Variants in LRRTM4 observed in about 807,000 individuals in gnomAD.
LRRTM4 encodes the protein leucine-rich repeat transmembrane neuronal protein 4.
Under a neutral mutation model 47.6 loss-of-function variants are expected in LRRTM4, and 25 were observed. The ratio of observed to expected loss-of-function variants is 0.53; its 90% CI spans 0.38 to 0.73. LRRTM4 has a LOEUF of 0.73. Among genes scored for constraint, LRRTM4 ranks in the 30% least tolerant of loss-of-function variants. LRRTM4 has a pLI of 0.00. For missense variants in LRRTM4, 638 were observed against 713.4 expected (o/e 0.89, Z 1.20); for synonymous variants, 311 against 269.5 (o/e 1.15, Z -1.51).
chr2:77,160,498 T>TA (rs1235770130), intron 3 of LRRTM4, among the ~76,000 whole-genome samples: 2 of 110,268 alleles, frequency 1.8e-5, no homozygotes, highest in South Asian at 3.2e-4. Flanking sequence ...CATTGTTTAA[T>TA]ATTTAAAAAA....
intron 3 of LRRTM4, among the ~76,000 whole-genome samples, chr2:76,954,050 C>T (rs1675587338): frequency 6.6e-6 from 1 of 151,800 alleles, no homozygotes; most frequent in Admixed American, 6.6e-5. Flanking sequence ...ATTTGAGAAG[C>T]CCTCAGAGTC....
chr2:76,918,972 G>A (rs1203302373), intron 3 of LRRTM4, among the ~76,000 whole-genome samples: 3 of 152,180 alleles, frequency 2.0e-5, no homozygotes. Context: ...ACGGTTTATT[G>A]CAGCAAAAGG....
intron 3 of LRRTM4, among the ~76,000 whole-genome samples, chr2:76,799,867 A>G (rs1675564781): frequency 6.7e-6 from 1 of 148,476 alleles, no homozygotes; most frequent in South Asian, 2.2e-4. Context: ...TTCAAAGAGA[A>G]TAAAATACCT....
At chr2:77,428,702 T>C (rs1310030640) in intron 3 of LRRTM4, among the ~76,000 whole-genome samples, 6 of 152,202 alleles carry the variant, frequency 3.9e-5, no homozygotes, top group Non-Finnish European at 7.4e-5. Context: ...AAAACACAGA[T>C]AAGGCCATTC....
intron 3 of LRRTM4, among the ~76,000 whole-genome samples, chr2:77,297,625 GTTC>G (rs1237962157): frequency 1.3e-5 from 2 of 152,108 alleles, no homozygotes; most frequent in African/African-American, 4.8e-5. Flanking sequence ...ACACCATGGG[GTTC>G]TTCTCCTACC....
chr2:77,376,237 G>T (rs1672835800), intron 3 of LRRTM4, among the ~76,000 whole-genome samples: 1 of 151,084 alleles, frequency 6.6e-6, no homozygotes, highest in Non-Finnish European at 1.5e-5. Flanking sequence ...AATAGTTTTG[G>T]ATTTACAAAA....
At chr2:76,789,143 A>G (rs554315160) in intron 3 of LRRTM4, among the ~76,000 whole-genome samples, 3 of 152,266 alleles carry the variant, frequency 2.0e-5, no homozygotes, top group African/African-American at 7.2e-5. Context: ...CACACTCCCT[A>G]CCTCAAAGGG....
rs190736359 is a variant in LRRTM4, at chr2:77,515,285, T to G, written c.1551+3033A>C. On this transcript the variant is annotated intron_variant, in intron 3 of 3. Coordinates refer to ENST00000409884, the MANE Select transcript of LRRTM4 (RefSeq NM_001134745.3). ...ATCAGAATGGTATGTGCACACAGAC[T>G]TTTCAGAATTAAAACTTGCAAAACA... Among the ~76,000 whole-genome samples, 266 of 151,986 alleles carry G rather than the reference T, an allele frequency of 1.8e-3. 2 individuals carry two copies. The highest frequency in any genetic ancestry group is 0.015 in the East Asian group (78 of 5,166).
intron 3 of LRRTM4, among the ~76,000 whole-genome samples, chr2:77,116,431 A>G (rs1671391069): frequency 6.6e-6 from 1 of 152,174 alleles, no homozygotes; most frequent in African/African-American, 2.4e-5. Flanking sequence ...CCAATGATTT[A>G]TTGAATATAT....
At chr2:77,056,382 G>T (rs539792975) in intron 3 of LRRTM4, among the ~76,000 whole-genome samples, 2 of 152,084 alleles carry the variant, frequency 1.3e-5, no homozygotes, top group South Asian at 4.2e-4. Flanking sequence ...TCAAGAACTT[G>T]TACAAATGAA....
chr2:77,106,083 G>T (rs1249036006), intron 3 of LRRTM4, among the ~76,000 whole-genome samples: 2 of 152,048 alleles, frequency 1.3e-5, no homozygotes, highest in African/African-American at 2.4e-5. Flanking sequence ...CCCACTCTCA[G>T]CAGGCTGCCT....
chr2:76,780,325 A>G (rs1009378553), intron 3 of LRRTM4, among the ~76,000 whole-genome samples: 1 of 152,056 alleles, frequency 6.6e-6, no homozygotes, highest in African/African-American at 2.4e-5. Flanking sequence ...TAGATTGGGG[A>G]AGTTCTCCTG....
At chr2:77,146,260 G>T (rs1672259121) in intron 3 of LRRTM4, among the ~76,000 whole-genome samples, 1 of 152,112 alleles carries the variant, frequency 6.6e-6, no homozygotes, top group African/African-American at 2.4e-5. Flanking sequence ...TTATAGTCAT[G>T]ACAGGTTTTA....
rs201937766 is a variant in LRRTM4 at position 76,801,276 on chromosome 2, A to G, written c.1552-52360T>C. The stretch of plus-strand genomic sequence containing the variant: ...CTTGGAACCAACCCAAATGTCCAAC[A>G]ATGATAGACTGGATTAAGAAAATGT... On this transcript the variant is annotated intron_variant, in intron 3 of 3. Coordinates refer to ENST00000409884, the MANE Select transcript of LRRTM4 (RefSeq NM_001134745.3). Among the ~76,000 whole-genome samples, 16 of 152,224 alleles carry G rather than the reference A, an allele frequency of 1.1e-4. No homozygotes were observed. The East Asian group carries it at 2.9e-3, about 28-fold the overall frequency.
chr2:77,024,761 T>C (rs554134964), intron 3 of LRRTM4, among the ~76,000 whole-genome samples: 1 of 152,252 alleles, frequency 6.6e-6, no homozygotes. Flanking sequence ...TTTAATATGC[T>C]TGTAAAAGTA....
At chr2:77,260,194 G>A (rs1484507574) in intron 3 of LRRTM4, among the ~76,000 whole-genome samples, 4 of 152,044 alleles carry the variant, frequency 2.6e-5, no homozygotes, top group Admixed American at 6.6e-5. Flanking sequence ...CAAATATGTG[G>A]GCAAGGCACA....
chr2:77,403,797 TA>T (rs1480064690), intron 3 of LRRTM4, among the ~76,000 whole-genome samples: 1 of 151,668 alleles, frequency 6.6e-6, no homozygotes, highest in Non-Finnish European at 1.5e-5. Context: ...TGGCCAATAC[TA>T]AATATGACTA....
At chr2:76,918,148 C>T (rs1050344609) in intron 3 of LRRTM4, among the ~76,000 whole-genome samples, 2 of 152,054 alleles carry the variant, frequency 1.3e-5, no homozygotes, top group Non-Finnish European at 2.9e-5. Flanking sequence ...AAATAAAGTA[C>T]CAAAAATTGT....
chr2:77,198,344 T>C lies in LRRTM4; in HGVS notation c.1551+319974A>G, dbSNP rs1035815566. ...CAGTAGGGCTGGGAGTTCTGTCCTT[T>C]CTCATTGTGTCAAAGGAAGAAGATC... On this transcript the variant is annotated intron_variant, in intron 3 of 3. Transcript: ENST00000409884. Among the ~76,000 whole-genome samples, 3 of 152,286 alleles carry C rather than the reference T, an allele frequency of 2.0e-5. No homozygotes were observed. The East Asian group carries it at 5.8e-4, about 29-fold the overall frequency.
Sources: gnomAD v4.1 joint callset for allele counts (sites outside exome capture counted in the v4.1 genomes callset) on GRCh38, gnomAD v4.1.1 for gene constraint, MANE v1.5 for transcripts, NCBI Gene and HGNC (gene_info 2026-07-23, HGNC 2026-07-21) for gene names.